AKT3: variants seen among roughly 807,000 people sequenced by gnomAD.
AKT3 encodes AKT serine/threonine kinase 3, also known as RAC-gamma serine/threonine-protein kinase.
Under a neutral mutation model 65.3 loss-of-function variants are expected in AKT3, and 15 were observed. That is an observed-to-expected ratio of 0.23 (90% CI 0.15 to 0.35). The LOEUF (loss-of-function observed/expected upper bound fraction) is 0.35, where lower values mean the gene tolerates loss of function less well. AKT3 is among the 10% of genes least tolerant of loss of function. The pLI, the probability that AKT3 is intolerant of heterozygous loss-of-function variation, is 1.00. For missense variants in AKT3, 243 were observed against 576.5 expected, an observed-to-expected ratio of 0.42 and a Z score of 5.92; for synonymous variants, 206 against 183.8, an observed-to-expected ratio of 1.12 and a Z score of -0.98.
intron 2 of AKT3, among the ~76,000 whole-genome samples, chr1:243,762,633 G>A (rs1256204462): frequency 6.6e-6 from 1 of 152,034 alleles, no homozygotes; most frequent in Admixed American, 6.6e-5. Flanking sequence ...CAGGATATGT[G>A]AATGGTTAAA....
chr1:243,630,010 T>C (rs1410833445), intron 6 of AKT3, among the ~76,000 whole-genome samples: 1 of 152,142 alleles, frequency 6.6e-6, no homozygotes, highest in Non-Finnish European at 1.5e-5. Flanking sequence ...TACACTACAC[T>C]GAGCTACTGC....
rs1446322098 is a variant in AKT3 at position 243,740,855 on chromosome 1, T to C, written c.47-45139A>G. 2.0e-5 allele frequency: 3 copies of C among 152,156 alleles called. No homozygotes were observed. In the East Asian group the frequency reaches 5.8e-4, roughly 29 times the overall value. The allele number at this position is 152,156 out of a possible 1,614,324, so 9.4% of individuals were successfully genotyped here. ...TCTTTACTCTTCATTTTGTATCTGG[T>C]ATTGTACAAAGGCCAGGTAGGAAAG... On this transcript the variant is annotated intron_variant, in intron 2 of 13. Coordinates refer to ENST00000673466, the MANE Select transcript of AKT3 (RefSeq NM_005465.7).
intron 2 of AKT3, among the ~76,000 whole-genome samples, chr1:243,700,506 AT>A (rs67611152): frequency 2.1e-3 from 299 of 139,910 alleles, no homozygotes; most frequent in Non-Finnish European, 2.4e-3. Context: ...GGCTTAGTCT[AT>A]TTTTTTTTTT....
chr1:243,767,179 G>GT (rs1392125569), intron 2 of AKT3, among the ~76,000 whole-genome samples: 1 of 152,104 alleles, frequency 6.6e-6, no homozygotes, highest in Non-Finnish European at 1.5e-5. Flanking sequence ...TCAAAAGAAA[G>GT]TATGTCAGTA....
At chr1:243,664,996 T>C in intron 3 of AKT3, 113 bp from the exon 4 acceptor site, 1 of 439,890 alleles carries the variant, frequency 2.3e-6, no homozygotes, top group Admixed American at 4.4e-5. Flanking sequence ...ACTCACAGCT[T>C]TCTATGGTTC....
At chr1:243,795,458 T>TTG (rs1691909882) in intron 2 of AKT3, among the ~76,000 whole-genome samples, 1 of 124,630 alleles carries the variant, frequency 8.0e-6, no homozygotes, top group African/African-American at 3.2e-5. Context: ...TGTTTTTTTT[T>TTG]TTTGTTTTTT....
At chr1:243,540,075 G>T (rs1326846142) in intron 12 of AKT3, among the ~76,000 whole-genome samples, 3 of 152,094 alleles carry the variant, frequency 2.0e-5, no homozygotes, top group African/African-American at 7.2e-5. Flanking sequence ...GAGAAAGGAG[G>T]AGTACTTCCC....
intron 2 of AKT3, among the ~76,000 whole-genome samples, chr1:243,804,807 A>G (rs868857809): frequency 1.3e-5 from 2 of 151,848 alleles, no homozygotes; most frequent in Middle Eastern, 6.8e-3. Flanking sequence ...AGATCGCACC[A>G]CTGCACTCCA....
intron 8 of AKT3, among the ~76,000 whole-genome samples, chr1:243,585,688 C>T (rs531734583): frequency 2.2e-4 from 33 of 152,126 alleles, no homozygotes; most frequent in Admixed American, 1.2e-3. Flanking sequence ...GTGAGCCATA[C>T]GCAGAGGAAT....
At chr1:243,660,000 G>A (rs1682165426) in intron 4 of AKT3, among the ~76,000 whole-genome samples, 1 of 152,036 alleles carries the variant, frequency 6.6e-6, no homozygotes, top group Non-Finnish European at 1.5e-5. Flanking sequence ...CTCATAAAAT[G>A]AGTTAGGGAG....
chr1:243,759,148 T>C (rs1355979732), intron 2 of AKT3, among the ~76,000 whole-genome samples: 2 of 152,008 alleles, frequency 1.3e-5, no homozygotes, highest in African/African-American at 4.8e-5. Flanking sequence ...ACCTCGTCTC[T>C]ATAAAAAACT....
Position 243,582,472 on chromosome 1 carries a change from G to T in AKT3, c.697-9424C>A, listed in dbSNP as rs869097140. On this transcript the variant is annotated intron_variant, in intron 8 of 13. Coordinates refer to ENST00000673466, the MANE Select transcript of AKT3 (RefSeq NM_005465.7). Reference sequence around the variant, plus strand: ...CAAAAAAAAAAAAAAAAAAAAAAAAGAAATTCCAACCAAGAATTTCATAAC... The same window carrying T: ...CAAAAAAAAAAAAAAAAAAAAAAAATAAATTCCAACCAAGAATTTCATAAC... Among the ~76,000 whole-genome samples the T allele has an allele frequency of 1.4e-3, 128 of 88,548 alleles. 1 individual carries two copies. Among genetic ancestry groups the T allele is most frequent in the South Asian group, 3.7e-3 (11 of 2,964 alleles). 58.1% of individuals were successfully genotyped at this position (88,548 alleles called of 152,430 possible).
chr1:243,540,130 A>G (rs1672210128), intron 12 of AKT3, among the ~76,000 whole-genome samples: 1 of 152,204 alleles, frequency 6.6e-6, no homozygotes, highest in Non-Finnish European at 1.5e-5. Flanking sequence ...TGAAAATTAT[A>G]CAAAGACATT....
Position 243,640,122 on chromosome 1 carries a change from T to C in AKT3, c.430-2380A>G, listed in dbSNP as rs541761232. On this transcript the variant is annotated intron_variant, in intron 5 of 13. Coordinates refer to ENST00000673466, the MANE Select transcript of AKT3 (RefSeq NM_005465.7). The stretch of plus-strand genomic sequence containing the variant: ...TTCAATAATATCTCTAGTTCAAAGA[T>C]AAAGTAGCAAAGAGATAGCAGGGAA... 6.6e-5 allele frequency among the ~76,000 whole-genome samples: 10 copies of C among 152,318 alleles called. No individual in the cohort carries two copies. In the South Asian group the frequency reaches 1.2e-3, roughly 19 times the overall value.
At chr1:243,731,810 T>C (rs1687589836) in intron 2 of AKT3, among the ~76,000 whole-genome samples, 1 of 152,196 alleles carries the variant, frequency 6.6e-6, no homozygotes, top group South Asian at 2.1e-4. Flanking sequence ...ACCCTCAGAA[T>C]CTTCATTTAT....
intron 4 of AKT3, among the ~76,000 whole-genome samples, chr1:243,657,288 C>A (rs896040766): frequency 6.6e-6 from 1 of 152,156 alleles, no homozygotes; most frequent in Non-Finnish European, 1.5e-5. Flanking sequence ...AACTTAAACA[C>A]CTGGCCTCCA....
At chr1:243,572,879 A>G (rs200750096) in intron 9 of AKT3, 47 bp downstream of exon 9, 14 of 1,551,576 alleles carry the variant, frequency 9.0e-6, no homozygotes, top group African/African-American at 2.8e-5. Context: ...GTTTGTCCCT[A>G]TAGTCTCTGC....
At chr1:243,708,867 T>C (rs1685972203) in intron 2 of AKT3, among the ~76,000 whole-genome samples, 1 of 152,004 alleles carries the variant, frequency 6.6e-6, no homozygotes, top group African/African-American at 2.4e-5. Flanking sequence ...TACACTCGTT[T>C]GTTACAAATC....
chr1:243,653,874 C>A (rs1681562734), intron 4 of AKT3, among the ~76,000 whole-genome samples: 1 of 152,166 alleles, frequency 6.6e-6, no homozygotes. Context: ...CTTATGCTTA[C>A]TGTTTCCATG....
Sources: gnomAD v4.1 joint callset for allele counts (sites outside exome capture counted in the v4.1 genomes callset) on GRCh38, gnomAD v4.1.1 for gene constraint, MANE v1.5 for transcripts, NCBI Gene and HGNC (gene_info 2026-07-23, HGNC 2026-07-21) for gene names.